The following ZNF100 variants were observed in gnomAD, a reference collection of about 807,000 sequenced individuals.
ZNF100 encodes the protein zinc finger protein 100 (Y1).
In ZNF100, 12 loss-of-function variants were observed where a neutral mutation model predicts 15.8. That is an observed-to-expected ratio of 0.76 (90% CI 0.49 to 1.23). The LOEUF (loss-of-function observed/expected upper bound fraction) is 1.23, where lower values mean the gene tolerates loss of function less well. Ranked by LOEUF, ZNF100 falls within the 50% of genes most tolerant of loss-of-function variation. The probability of loss-of-function intolerance (pLI) is 0.00; values close to 1 mark genes in which losing one functional copy is unlikely to be tolerated. For missense variants in ZNF100, 670 were observed against 635.6 expected (o/e 1.05, Z -0.58); for synonymous variants, 226 against 214.8 (o/e 1.05, Z -0.45).
In ZNF100 at chr19:21,725,484, A is replaced by AT. The variant is rs955213352; in HGVS notation, c.*1198dup. ...TAACCATAAAAGTCTCTTCACTTAG[A>AT]TTTTCATCATACATCTCATATTTTA... On this transcript the variant is annotated 3_prime_UTR_variant, in exon 5 of 5. Transcript: ENST00000358296. The AT allele has an allele frequency of 6.2e-4, 94 of 152,224 alleles. No individual in the cohort carries two copies. Among genetic ancestry groups the AT allele is most frequent in the African/African-American group, 2.2e-3 (90 of 41,552 alleles). 9.4% of individuals were successfully genotyped at this position (152,224 alleles called of 1,614,324 possible). A position where few individuals can be genotyped will look rare whatever the true frequency, so the allele number is the denominator to read the frequency against.
At chr19:21,767,086 T>C (rs796401349) in intron 1 of ZNF100, among the ~76,000 whole-genome samples, 4 of 152,318 alleles carry the variant, frequency 2.6e-5, no homozygotes, top group African/African-American at 9.6e-5. Context: ...ACCAAAGATC[T>C]TCCCATTCAT....
intron 1 of ZNF100, 126 bp from the exon 2 acceptor site, chr19:21,765,912 G>A: frequency 1.2e-6 from 1 of 866,646 alleles, no homozygotes; most frequent in South Asian, 1.6e-5. Context: ...CTAAAGGGTG[G>A]CTGAGGACAC....
chr19:21,762,941 T>C (rs1302554723), intron 2 of ZNF100, among the ~76,000 whole-genome samples: 1 of 152,090 alleles, frequency 6.6e-6, no homozygotes, highest in Non-Finnish European at 1.5e-5. Flanking sequence ...AAAACCAAGA[T>C]GGTGATGAGT....
chr19:21,726,557 C>G lies in ZNF100; in HGVS notation c.*126G>C, dbSNP rs2035789301. 3.5e-6 allele frequency: 3 copies of G among 851,950 alleles called. No individual in the cohort carries two copies. The highest frequency in any genetic ancestry group is 5.3e-6 in the Non-Finnish European group (3 of 564,238). 52.8% of individuals were successfully genotyped at this position (851,950 alleles called of 1,614,324 possible). ...CTCTCTAGTATGAATTATCTTATGT[C>G]TGTTAGGAATTGAGAATTTATTAAA... On this transcript the variant is annotated 3_prime_UTR_variant, in exon 5 of 5. Coordinates refer to ENST00000358296, the MANE Select transcript of ZNF100 (RefSeq NM_173531.4).
Position 21,727,853 on chromosome 19 carries a change from A to T in ZNF100, c.459T>A (p.Asp153Glu), listed in dbSNP as rs1289915167. Residue 153 changes from aspartate (D) to glutamate (E), a missense_variant, in exon 5 of 5, where the codon GAT becomes GAA. By Grantham distance (45) the Asp-to-Glu change is conservative. Coordinates refer to ENST00000358296, the MANE Select transcript of ZNF100 (RefSeq NM_173531.4). ...CATGTTCTTTGTGCACTTTACACTC[A>T]TCCACACTTTTACAGCCTTTTTGTA... is the stretch of plus-strand genomic sequence containing the variant. ...LQLQKGCKSV[D>E]ECKVHKEHDN... The T allele has an allele frequency of 6.2e-7, 1 of 1,612,164 alleles. No homozygotes were observed. The highest frequency in any genetic ancestry group is 1.3e-5 in the African/African-American group (1 of 74,848).
rs2036584509 is a variant in ZNF100 at position 21,767,476 on chromosome 19, A to T, written c.-47T>A. The T allele has an allele frequency of 6.2e-7, 1 of 1,613,700 alleles. No individual in the cohort carries two copies. Among genetic ancestry groups the T allele is most frequent in the African/African-American group, 1.3e-5 (1 of 74,912 alleles). ...TGGCGTCTTAGCTGTGGATCTCCCA[A>T]TATCTGCAGGTCAGAGGGCCACACA... On this transcript the variant is annotated 5_prime_UTR_variant, in exon 1 of 5. It adds an upstream start codon to the 5' untranslated region. Coordinates refer to ENST00000358296, the MANE Select transcript of ZNF100 (RefSeq NM_173531.4).
chr19:21,737,720 A>G (rs1317613971), intron 4 of ZNF100, among the ~76,000 whole-genome samples: 2 of 151,558 alleles, frequency 1.3e-5, no homozygotes, highest in African/African-American at 2.4e-5. Flanking sequence ...AAGTTCTGAA[A>G]TTGAGACAGT....
intron 2 of ZNF100, among the ~76,000 whole-genome samples, chr19:21,754,404 T>G (rs1032255552): frequency 4.1e-4 from 62 of 152,248 alleles, no homozygotes; most frequent in African/African-American, 1.3e-3. Flanking sequence ...ATTATTTCAA[T>G]AGAAAAAAGC....
chr19:21,734,317 A>T (rs1320724597), intron 4 of ZNF100, among the ~76,000 whole-genome samples: 1 of 152,166 alleles, frequency 6.6e-6, no homozygotes, highest in Non-Finnish European at 1.5e-5. Flanking sequence ...AGGAACCATG[A>T]AAAACATTAC....
chr19:21,751,632 T>C, intron 2 of ZNF100: 6 of 1,525,438 alleles, frequency 3.9e-6, no homozygotes, highest in East Asian at 4.5e-5. Context: ...CTCAAGGACA[T>C]TACAGTTGAG....
chr19:21,726,521 T>C lies in ZNF100; in HGVS notation c.*162A>G. The C allele has an allele frequency of 1.5e-6, 1 of 657,306 alleles. No individual in the cohort carries two copies. Among genetic ancestry groups the C allele is most frequent in the Non-Finnish European group, 2.4e-6 (1 of 408,550 alleles). The allele number at this position is 657,306 out of a possible 1,614,324, so 40.7% of individuals were successfully genotyped here. Reference sequence around the variant, plus strand: ...CAAAGCACTGTCACATCTTTCTGGTTTGTAGAATTTCTCTCTAGTATGAAT... The same window carrying C: ...CAAAGCACTGTCACATCTTTCTGGTCTGTAGAATTTCTCTCTAGTATGAAT... On this transcript the variant is annotated 3_prime_UTR_variant, in exon 5 of 5. Transcript: ENST00000358296.
At position 21,751,054 on chromosome 19, in the gene ZNF100, A is replaced by C. The variant is rs1234123291; in HGVS notation, c.97-5987T>G. 7 of 1,383,560 alleles carry C rather than the reference A, an allele frequency of 5.1e-6. No individual in the cohort carries two copies. The African/African-American group carries it at 8.6e-5, about 17-fold the overall frequency. The allele number at this position is 1,383,560 out of a possible 1,614,324, so 85.7% of individuals were successfully genotyped here. ...CCTGCAGCACATCAGCGACCACGAGATGCCCTAAGATTTAGCTTTGGAGTC... is the reference window on the plus strand; with the variant it reads ...CCTGCAGCACATCAGCGACCACGAGCTGCCCTAAGATTTAGCTTTGGAGTC... On this transcript the variant is annotated intron_variant, in intron 2 of 4. Coordinates refer to ENST00000358296, the MANE Select transcript of ZNF100 (RefSeq NM_173531.4).
At chr19:21,759,491 C>T (rs12975387) in intron 2 of ZNF100, among the ~76,000 whole-genome samples, 13,423 of 152,174 alleles carry the variant, frequency 0.088, 754 homozygotes, top group South Asian at 0.18. Flanking sequence ...TAGAGCAACT[C>T]GATTTTGAAT....
intron 4 of ZNF100, among the ~76,000 whole-genome samples, chr19:21,730,026 TACAAAG>T (rs751818191): frequency 2.0e-4 from 30 of 151,762 alleles, no homozygotes; most frequent in Non-Finnish European, 2.8e-4. Context: ...AATAAAAAGA[TACAAAG>T]ACAGAGAGAA....
At chr19:21,751,768 AT>A in intron 2 of ZNF100, 1 of 1,272,626 alleles carries the variant, frequency 7.9e-7, no homozygotes, top group Non-Finnish European at 1.1e-6. Context: ...TGAATTTTCT[AT>A]TTGCTCCTCT....
chr19:21,730,458 G>GTGTGTA (rs2035895650), intron 4 of ZNF100, among the ~76,000 whole-genome samples: 1 of 151,354 alleles, frequency 6.6e-6, no homozygotes, highest in Non-Finnish European at 1.5e-5. Flanking sequence ...GTGTGTGTGT[G>GTGTGTA]TGTGTGTGTG....
chr19:21,765,856 C>G (rs2036551005), intron 1 of ZNF100, 70 bp from the exon 2 acceptor site: 3 of 1,474,104 alleles, frequency 2.0e-6, no homozygotes, highest in Non-Finnish European at 2.8e-6. Context: ...TGGCGGATAT[C>G]TCGGTTTATC....
intron 2 of ZNF100, among the ~76,000 whole-genome samples, chr19:21,759,542 C>T (rs1052752354): frequency 3.9e-5 from 6 of 152,156 alleles, no homozygotes; most frequent in Admixed American, 3.3e-4. Context: ...GGGCTACATT[C>T]CCAGATGGTT....
intron 2 of ZNF100, among the ~76,000 whole-genome samples, chr19:21,754,943 A>G (rs887740049): frequency 6.6e-6 from 1 of 152,242 alleles, no homozygotes; most frequent in African/African-American, 2.4e-5. Flanking sequence ...ATACAAATTT[A>G]AAAGAAAGAC....
Sources: allele counts gnomAD v4.1 joint callset (sites outside exome capture counted in the v4.1 genomes callset), GRCh38; gene constraint gnomAD v4.1.1; transcripts MANE v1.5; gene names NCBI Gene and HGNC (gene_info 2026-07-23, HGNC 2026-07-21).